The following SREBF2 variants were observed in gnomAD, a reference collection of about 807,000 sequenced individuals.
SREBF2 encodes sterol regulatory element-binding protein 2.
In SREBF2, 55 loss-of-function variants were observed where a neutral mutation model predicts 113.1. That is an observed-to-expected ratio of 0.49 (90% CI 0.39 to 0.61). SREBF2 has a LOEUF of 0.61. SREBF2 is among the 20% of genes least tolerant of loss of function. The pLI is 0.00. For synonymous variants in SREBF2, 593 were observed against 605.7 expected (o/e 0.98, Z 0.31); for missense variants, 1,349 against 1,487.4 (o/e 0.91, Z 1.53).
chr22:41,871,388 T>C (rs1012259517), intron 4 of SREBF2, among the ~76,000 whole-genome samples: 1 of 152,108 alleles, frequency 6.6e-6, no homozygotes, highest in African/African-American at 2.4e-5. Context: ...GTGAAGAACA[T>C]GGAAGGTACC....
chr22:41,893,010 A>T, intron 11 of SREBF2, 107 bp from the exon 12 acceptor site: 1 of 1,358,278 alleles, frequency 7.4e-7, no homozygotes, highest in Non-Finnish European at 1.0e-6. Flanking sequence ...GATCTTTCCC[A>T]GTCTCCCCCA....
chr22:41,896,904 A>G (rs565105286), intron 13 of SREBF2, 148 bp from the exon 14 acceptor site: 5 of 638,088 alleles, frequency 7.8e-6, no homozygotes, highest in Admixed American at 6.4e-5. Context: ...AAGGGTACAC[A>G]TAGACAGCGC....
intron 13 of SREBF2, among the ~76,000 whole-genome samples, chr22:41,895,775 C>T (rs2077410663): frequency 6.6e-6 from 1 of 152,056 alleles, no homozygotes; most frequent in Non-Finnish European, 1.5e-5. Context: ...CAAGCGGAGT[C>T]AGTACTTGGA....
chr22:41,859,751 G>T (rs546714496), intron 1 of SREBF2, among the ~76,000 whole-genome samples: 1 of 147,798 alleles, frequency 6.8e-6, no homozygotes, highest in Admixed American at 6.8e-5. Flanking sequence ...AACTGCAGCT[G>T]AAAGAGGTAA....
At chr22:41,851,791 A>G (rs960906795) in intron 1 of SREBF2, among the ~76,000 whole-genome samples, 11 of 150,296 alleles carry the variant, frequency 7.3e-5, no homozygotes, top group Non-Finnish European at 1.5e-4. Context: ...CACCGCACCC[A>G]GCCAATAAGG....
At chr22:41,892,096 G>T (rs1241181681) in intron 11 of SREBF2, among the ~76,000 whole-genome samples, 1 of 152,150 alleles carries the variant, frequency 6.6e-6, no homozygotes, top group Non-Finnish European at 1.5e-5. Flanking sequence ...GGGGTGCCAT[G>T]GGGTTTCTGT....
chr22:41,870,558 C>T (rs2077129912), intron 3 of SREBF2, among the ~76,000 whole-genome samples: 1 of 140,596 alleles, frequency 7.1e-6, no homozygotes. Context: ...CCCGGGAGGT[C>T]AAGGCTGCAG....
intron 1 of SREBF2, among the ~76,000 whole-genome samples, chr22:41,865,680 C>T (rs958258712): frequency 3.3e-5 from 5 of 152,096 alleles, no homozygotes; most frequent in Admixed American, 1.3e-4. Flanking sequence ...AGACTCCTTG[C>T]CCAGAGAAAA....
At chr22:41,861,259 G>A (rs192032836) in intron 1 of SREBF2, among the ~76,000 whole-genome samples, 217 of 152,238 alleles carry the variant, frequency 1.4e-3, no homozygotes, top group Non-Finnish European at 2.4e-3. Context: ...CGAGGCAGGT[G>A]GATCACAAGG....
intron 1 of SREBF2, among the ~76,000 whole-genome samples, chr22:41,843,784 C>G (rs981824103): frequency 6.6e-6 from 1 of 151,634 alleles, no homozygotes; most frequent in Non-Finnish European, 1.5e-5. Flanking sequence ...CCCTTGAGCC[C>G]AGGAGTTTGA....
intron 1 of SREBF2, among the ~76,000 whole-genome samples, chr22:41,865,850 C>G (rs941761449): frequency 1.3e-5 from 2 of 152,168 alleles, no homozygotes; most frequent in Non-Finnish European, 2.9e-5. Context: ...CTAGCTGTAC[C>G]CTGACAAGCT....
chr22:41,866,666 A>G (rs1373454807), intron 1 of SREBF2, among the ~76,000 whole-genome samples, 165 bp from the exon 2 acceptor site: 1 of 152,238 alleles, frequency 6.6e-6, no homozygotes, highest in African/African-American at 2.4e-5. Context: ...TTGGGCAGCC[A>G]TCTTGGCCCA....
intron 12 of SREBF2, among the ~76,000 whole-genome samples, 165 bp downstream of exon 12, chr22:41,893,450 T>G (rs1294712956): frequency 1.3e-5 from 2 of 152,176 alleles, no homozygotes; most frequent in Non-Finnish European, 2.9e-5. Context: ...TCAGGGAGGT[T>G]GAGTAACTTG....
chr22:41,884,836 C>T lies in SREBF2; in HGVS notation c.2039-6C>T, dbSNP rs759388742. 8.7e-6 allele frequency: 14 copies of T among 1,613,948 alleles called. No individual in the cohort carries two copies. The highest frequency in any genetic ancestry group is 1.1e-5 in the South Asian group (1 of 91,078). On this transcript the variant is annotated splice_polypyrimidine_tract_variant and splice_region_variant and intron_variant, in intron 10 of 18. Coordinates refer to ENST00000361204, the MANE Select transcript of SREBF2 (RefSeq NM_004599.4). Reference sequence around the variant, plus strand: ...CAACAATAGTGTCTGTTTCTGCCCACCCTAGGGAAGCTTCCTGCAGGATCC... The same window carrying T: ...CAACAATAGTGTCTGTTTCTGCCCATCCTAGGGAAGCTTCCTGCAGGATCC...
At chr22:41,899,342 C>T in intron 15 of SREBF2, 1 of 1,019,034 alleles carries the variant, frequency 9.8e-7, no homozygotes, top group South Asian at 3.9e-5. Context: ...TTTGGAGATT[C>T]ATGTCTGCGT....
chr22:41,879,887 A>G (rs2077229402), intron 9 of SREBF2, among the ~76,000 whole-genome samples: 1 of 152,182 alleles, frequency 6.6e-6, no homozygotes. Flanking sequence ...AGAGTAGGGT[A>G]GTTTAGCTGT....
intron 11 of SREBF2, among the ~76,000 whole-genome samples, chr22:41,889,539 G>C (rs2077335686): frequency 1.3e-5 from 2 of 151,976 alleles, no homozygotes; most frequent in South Asian, 4.1e-4. Context: ...AATATTTTTT[G>C]CTAGGAGTGG....
chr22:41,899,283 A>G, intron 15 of SREBF2: 2 of 1,064,130 alleles, frequency 1.9e-6, no homozygotes, highest in South Asian at 3.1e-5. Flanking sequence ...TCCTGTAACT[A>G]AAATAGCCTT....
intron 1 of SREBF2, among the ~76,000 whole-genome samples, chr22:41,854,034 CAA>C (rs1211599087): frequency 2.7e-4 from 19 of 70,640 alleles, no homozygotes; most frequent in Admixed American, 3.2e-4. Flanking sequence ...GACTCCATCT[CAA>C]AAAAAAAAAA....
Sources: gnomAD v4.1 joint callset for allele counts (sites outside exome capture counted in the v4.1 genomes callset) on GRCh38, gnomAD v4.1.1 for gene constraint, MANE v1.5 for transcripts, NCBI Gene and HGNC (gene_info 2026-07-23, HGNC 2026-07-21) for gene names.